TEC: variants seen among roughly 807,000 people sequenced by gnomAD.
TEC encodes the protein tyrosine-protein kinase Tec.
Under a neutral mutation model 93.0 loss-of-function variants are expected in TEC, and 72 were observed. The observed-to-expected ratio is 0.77, with a 90% CI of 0.64 to 0.94. The LOEUF is 0.94. Among genes scored for constraint, TEC ranks in the 40% least tolerant of loss-of-function variants. TEC has a pLI of 0.00. For missense variants in TEC, 630 were observed against 757.9 expected (o/e 0.83, Z 1.98); for synonymous variants, 249 against 247.7 (o/e 1.01, Z -0.05).
chr4:48,199,699 C>A (rs1168893442), intron 2 of TEC, among the ~76,000 whole-genome samples: 1 of 151,932 alleles, frequency 6.6e-6, no homozygotes, highest in Non-Finnish European at 1.5e-5. Flanking sequence ...GAACTCCTGA[C>A]CTCGTGATCC....
At chr4:48,141,910 T>G (rs1375659198) in intron 14 of TEC, among the ~76,000 whole-genome samples, 1 of 151,966 alleles carries the variant, frequency 6.6e-6, no homozygotes, top group Non-Finnish European at 1.5e-5. Flanking sequence ...TGCCTCGGCC[T>G]CCCCCATTGT....
intron 1 of TEC, among the ~76,000 whole-genome samples, chr4:48,230,561 T>C (rs1723617973): frequency 6.6e-6 from 1 of 152,242 alleles, no homozygotes; most frequent in African/African-American, 2.4e-5. Context: ...TGCCTGCTTT[T>C]ATTCAAACTG....
chr4:48,206,357 A>T (rs2109604102), intron 2 of TEC, among the ~76,000 whole-genome samples: 1 of 152,368 alleles, frequency 6.6e-6, no homozygotes, highest in South Asian at 2.1e-4. Flanking sequence ...CCACAATAAG[A>T]AAAAAGAGAT....
intron 7 of TEC, 50 bp from the exon 8 acceptor site, chr4:48,163,817 T>TGAA: frequency 9.7e-7 from 1 of 1,031,100 alleles, no homozygotes; most frequent in Non-Finnish European, 1.4e-6. Flanking sequence ...TGGGAGGTTA[T>TGAA]TGAAAGAAAG....
intron 1 of TEC, among the ~76,000 whole-genome samples, chr4:48,231,555 G>A (rs1723643990): frequency 6.6e-6 from 1 of 152,112 alleles, no homozygotes; most frequent in Admixed American, 6.5e-5. Flanking sequence ...AGGAGATCAA[G>A]ATCATCCTGG....
intron 2 of TEC, among the ~76,000 whole-genome samples, chr4:48,211,024 T>A (rs2664037): frequency 0.63 from 95,133 of 152,006 alleles, 29,910 homozygotes; most frequent in Admixed American, 0.68. Context: ...CCTCAAAAAC[T>A]CCTATGAGGG....
intron 2 of TEC, among the ~76,000 whole-genome samples, chr4:48,215,968 G>A (rs565637312): frequency 6.6e-6 from 1 of 152,138 alleles, no homozygotes; most frequent in Non-Finnish European, 1.5e-5. Flanking sequence ...AAATCTGGAG[G>A]TGATTCTTTA....
chr4:48,214,202 C>A (rs908869073), intron 2 of TEC, among the ~76,000 whole-genome samples: 5 of 151,856 alleles, frequency 3.3e-5, no homozygotes, highest in African/African-American at 4.8e-5. Flanking sequence ...TATTATGTAG[C>A]CGGTGAGAAA....
rs1719545755 is a variant in TEC at position 48,138,917 on chromosome 4, A to G, written c.1641T>C (p.Asp547=). Residue 547 remains aspartate, a synonymous_variant, in exon 16 of 18, where the codon GAT becomes GAC. Coordinates refer to ENST00000381501, the MANE Select transcript of TEC (RefSeq NM_003215.3). The stretch of plus-strand genomic sequence containing the variant: ...CATGGATCTTACCAAATGACCAGAC[A>G]TCTGATTTGCTGCTGAAGCGGCTGT... ...FNYSRFSSKS[D]VWSFGVLMWE... The G allele has an allele frequency of 1.2e-6, 2 of 1,614,246 alleles. No homozygotes were observed. The highest frequency in any genetic ancestry group is 8.5e-7 in the Non-Finnish European group (1 of 1,180,030).
At chr4:48,235,781 T>C (rs1723767042) in intron 1 of TEC, among the ~76,000 whole-genome samples, 1 of 152,200 alleles carries the variant, frequency 6.6e-6, no homozygotes, top group Admixed American at 6.5e-5. Flanking sequence ...TTATCATTAT[T>C]AAGCTTTTAC....
At chr4:48,262,606 G>A (rs1724526655) in intron 1 of TEC, among the ~76,000 whole-genome samples, 1 of 152,148 alleles carries the variant, frequency 6.6e-6, no homozygotes, top group Non-Finnish European at 1.5e-5. Context: ...GAACTTCTGT[G>A]AAGACCCAGT....
intron 2 of TEC, among the ~76,000 whole-genome samples, chr4:48,218,663 A>C (rs530696776): frequency 2.0e-5 from 3 of 152,286 alleles, no homozygotes; most frequent in African/African-American, 7.2e-5. Flanking sequence ...GAATATAACT[A>C]AGGGAGAAAC....
At chr4:48,190,068 A>G (rs1722037988) in intron 2 of TEC, among the ~76,000 whole-genome samples, 1 of 152,210 alleles carries the variant, frequency 6.6e-6, no homozygotes, top group Non-Finnish European at 1.5e-5. Context: ...AAACATTAAT[A>G]TTTAGATTTG....
At chr4:48,222,389 A>G (rs190212521) in intron 2 of TEC, among the ~76,000 whole-genome samples, 217 of 152,332 alleles carry the variant, frequency 1.4e-3, no homozygotes, top group African/African-American at 4.9e-3. Flanking sequence ...CCAGGAATTG[A>G]ATCAAGTAGG....
Position 48,137,382 on chromosome 4 carries a change from C to T in TEC, c.*34G>A. The stretch of plus-strand genomic sequence containing the variant: ...CACAAAATGCCCATCCTTCCTTGTG[C>T]TTGGGAATCTGGGAGCCACTGGTCA... On this transcript the variant is annotated 3_prime_UTR_variant, in exon 18 of 18. Coordinates refer to ENST00000381501, the MANE Select transcript of TEC (RefSeq NM_003215.3). The T allele has an allele frequency of 1.3e-6, 2 of 1,572,708 alleles. No homozygotes were observed. Among genetic ancestry groups the T allele is most frequent in the Non-Finnish European group, 1.7e-6 (2 of 1,145,118 alleles).
Position 48,145,553 on chromosome 4 carries a change from G to C in TEC, c.1108C>G (p.Leu370Val), listed in dbSNP as rs565655073. 6.2e-7 allele frequency: 1 copy of C among 1,614,124 alleles called. No individual in the cohort carries two copies. The highest frequency in any genetic ancestry group is 1.6e-4 in the Middle Eastern group (1 of 6,062). The part of the protein sequence containing the change: ...YEKWEINPSE[L>V]TFMRELGSGL... ...CTTCCCAATTCCCTCATAAAGGTCA[G>C]TTCTGAAGGGTTAATCTCCCATTTC... Residue 370 changes from leucine to valine, a missense_variant, in exon 13 of 18, where the codon CTG (leucine) becomes GTG (valine). Leu to Val is a conservative substitution (Grantham distance 32, BLOSUM62 1). This residue lies in a region of TEC where 289 missense variants were observed against 390.0 expected (regional missense o/e 0.74). Coordinates refer to ENST00000381501, the MANE Select transcript of TEC (RefSeq NM_003215.3).
intron 2 of TEC, among the ~76,000 whole-genome samples, chr4:48,209,564 G>A (rs547538061): frequency 3.3e-5 from 5 of 152,248 alleles, no homozygotes; most frequent in East Asian, 1.9e-4. Flanking sequence ...AGTGAGTTGT[G>A]AACACACCAA....
intron 9 of TEC, among the ~76,000 whole-genome samples, chr4:48,156,368 C>G (rs1207019778): frequency 6.6e-6 from 1 of 152,192 alleles, no homozygotes; most frequent in African/African-American, 2.4e-5. Context: ...AAGACATGTC[C>G]AGCTGCACAT....
intron 1 of TEC, among the ~76,000 whole-genome samples, chr4:48,269,338 A>G (rs760087281): frequency 2.0e-5 from 3 of 152,248 alleles, no homozygotes; most frequent in Non-Finnish European, 4.4e-5. Context: ...CCAAATTTCA[A>G]TCAAGATCGC....
Sources: allele counts gnomAD v4.1 joint callset (sites outside exome capture counted in the v4.1 genomes callset), GRCh38; gene constraint gnomAD v4.1.1; regional missense constraint gnomAD v4.1.1; transcripts MANE v1.5; gene names NCBI Gene and HGNC (gene_info 2026-07-23, HGNC 2026-07-21).